PLCB1: variants seen among roughly 807,000 people sequenced by gnomAD.
The protein encoded by PLCB1 is 1-phosphatidylinositol 4,5-bisphosphate phosphodiesterase beta-1.
Under a neutral mutation model 161.8 loss-of-function variants are expected in PLCB1, and 46 were observed. The observed-to-expected ratio is 0.28, with a 90% CI of 0.22 to 0.36. PLCB1 has a LOEUF of 0.36. Ranked by LOEUF, PLCB1 falls within the 10% of genes least tolerant of loss-of-function variation. The pLI is 1.00. For missense variants in PLCB1, 1,016 were observed against 1,472.5 expected, an observed-to-expected ratio of 0.69 and a Z score of 5.07; for synonymous variants, 517 against 503.7, an observed-to-expected ratio of 1.03 and a Z score of -0.35.
chr20:8,763,670 G>A (rs369347272), intron 25 of PLCB1, among the ~76,000 whole-genome samples: 9 of 152,060 alleles, frequency 5.9e-5, no homozygotes, highest in East Asian at 3.9e-4. Flanking sequence ...ACAGGCATGC[G>A]CCACCACACC....
chr20:8,700,207 C>T (rs1164787137), intron 11 of PLCB1, among the ~76,000 whole-genome samples: 2 of 152,204 alleles, frequency 1.3e-5, no homozygotes, highest in Non-Finnish European at 2.9e-5. Context: ...CCGCACACTG[C>T]CCATCCGCCA....
At chr20:8,764,083 C>T (rs1346260382) in intron 25 of PLCB1, among the ~76,000 whole-genome samples, 1 of 152,094 alleles carries the variant, frequency 6.6e-6, no homozygotes, top group Non-Finnish European at 1.5e-5. Flanking sequence ...ATGAGAATCA[C>T]CTGAACCCGC....
chr20:8,358,644 A>G lies in PLCB1; in HGVS notation c.178-12738A>G, dbSNP rs184314292. Among the ~76,000 whole-genome samples the G allele has an allele frequency of 2.0e-4, 31 of 152,272 alleles. No homozygotes were observed. In the East Asian group the frequency reaches 6.0e-3, roughly 29 times the overall value. ...AATATTTTTGATATGTAACAGAAAA[A>G]TATAGAACATAATAGGAAAAAGTCC... On this transcript the variant is annotated intron_variant, in intron 2 of 31. Transcript: ENST00000338037.
chr20:8,601,500 G>C (rs1008086641), intron 3 of PLCB1, among the ~76,000 whole-genome samples: 5 of 152,112 alleles, frequency 3.3e-5, no homozygotes, highest in Non-Finnish European at 5.9e-5. Flanking sequence ...TCCCTGACTT[G>C]TGATACCCAT....
intron 26 of PLCB1, 50 bp from the exon 27 acceptor site, chr20:8,774,489 A>G (rs775697794): frequency 2.0e-6 from 3 of 1,502,418 alleles, no homozygotes; most frequent in East Asian, 2.3e-5. Context: ...CCTTCCCTCC[A>G]CCTTGTTATG....
chr20:8,729,394 C>T (rs1980112084), intron 18 of PLCB1: 2 of 339,330 alleles, frequency 5.9e-6, no homozygotes, highest in Non-Finnish European at 5.2e-6. Context: ...TTTCTACAGG[C>T]TTTGCATTAT....
chr20:8,788,564 G>T (rs201687373), intron 28 of PLCB1, 39 bp downstream of exon 28: 6 of 1,601,234 alleles, frequency 3.7e-6, no homozygotes, highest in Non-Finnish European at 5.1e-6. Flanking sequence ...ATGTGCATCT[G>T]AATTTATTCA....
At chr20:8,304,058 CTCTG>C (rs1164859864) in intron 2 of PLCB1, among the ~76,000 whole-genome samples, 1 of 152,182 alleles carries the variant, frequency 6.6e-6, no homozygotes, top group East Asian at 1.9e-4. Flanking sequence ...TATGACAGCT[CTCTG>C]TCTGTAAGGG....
In PLCB1 at chr20:8,612,478, G is replaced by A. The variant is rs373182523; in HGVS notation, c.247-15816G>A. On this transcript the variant is annotated intron_variant, in intron 3 of 31. Transcript: ENST00000338037. ...GTTTCACTGCTTAACCCAACTCCCTGTAGTAAAATTCCAGAGGTTTCACCA... is the reference window on the plus strand; with the variant it reads ...GTTTCACTGCTTAACCCAACTCCCTATAGTAAAATTCCAGAGGTTTCACCA... Among the ~76,000 whole-genome samples the A allele has an allele frequency of 4.0e-4, 61 of 152,266 alleles. 1 individual carries two copies. The South Asian group carries it at 9.5e-3, about 24-fold the overall frequency.
chr20:8,832,504 C>T (rs1600367062), intron 31 of PLCB1, among the ~76,000 whole-genome samples: 1 of 152,300 alleles, frequency 6.6e-6, no homozygotes, highest in African/African-American at 2.4e-5. Context: ...GATCTCTTCG[C>T]ATGTCCTTGT....
At chr20:8,203,497 C>T (rs1978356533) in intron 2 of PLCB1, among the ~76,000 whole-genome samples, 1 of 151,950 alleles carries the variant, frequency 6.6e-6, no homozygotes, top group African/African-American at 2.4e-5. Context: ...GTGGAAATGT[C>T]ACTTTACCTA....
chr20:8,610,562 T>C (rs897726765), intron 3 of PLCB1, among the ~76,000 whole-genome samples: 2 of 152,168 alleles, frequency 1.3e-5, no homozygotes, highest in African/African-American at 4.8e-5. Flanking sequence ...GCAAACTGTT[T>C]TCCAAATTGG....
intron 3 of PLCB1, among the ~76,000 whole-genome samples, chr20:8,517,857 G>A (rs535373004): frequency 9.2e-5 from 14 of 152,150 alleles, no homozygotes; most frequent in African/African-American, 3.4e-4. Context: ...GATGTCATCA[G>A]TCAGAGCCAC....
At chr20:8,358,776 C>T (rs1393757148) in intron 2 of PLCB1, among the ~76,000 whole-genome samples, 1 of 152,186 alleles carries the variant, frequency 6.6e-6, no homozygotes, top group African/African-American at 2.4e-5. Context: ...GGATTCTCTG[C>T]CACTTGCACT....
At chr20:8,447,900 G>A (rs528326182) in intron 3 of PLCB1, among the ~76,000 whole-genome samples, 1 of 152,320 alleles carries the variant, frequency 6.6e-6, no homozygotes, top group African/African-American at 2.4e-5. Context: ...CTATGTGTGT[G>A]TTGGACAGAA....
intron 11 of PLCB1, among the ~76,000 whole-genome samples, chr20:8,703,405 G>A (rs1224710619): frequency 1.3e-5 from 2 of 152,174 alleles, no homozygotes; most frequent in Non-Finnish European, 2.9e-5. Context: ...TTAAGCCAGA[G>A]TGAAGGTGGG....
intron 1 of PLCB1, among the ~76,000 whole-genome samples, chr20:8,134,868 T>TAA (rs869044169): frequency 7.2e-6 from 1 of 139,798 alleles, no homozygotes. Flanking sequence ...AGGTCTTTTT[T>TAA]AAAAAAAAAA....
intron 3 of PLCB1, among the ~76,000 whole-genome samples, chr20:8,564,537 A>T (rs779671307): frequency 2.6e-5 from 4 of 152,210 alleles, no homozygotes; most frequent in African/African-American, 9.6e-5. Flanking sequence ...CTACCATCAG[A>T]GTGAACAGAC....
intron 3 of PLCB1, among the ~76,000 whole-genome samples, chr20:8,567,024 AGTC>A (rs1365360805): frequency 6.6e-6 from 1 of 152,174 alleles, no homozygotes; most frequent in Non-Finnish European, 1.5e-5. Flanking sequence ...TCTGATCCTG[AGTC>A]AGTTAGCTGA....
Sources: gnomAD v4.1 joint callset for allele counts (sites outside exome capture counted in the v4.1 genomes callset) on GRCh38, gnomAD v4.1.1 for gene constraint, MANE v1.5 for transcripts, NCBI Gene and HGNC (gene_info 2026-07-23, HGNC 2026-07-21) for gene names.